EXO1: variants seen among roughly 807,000 people sequenced by gnomAD.
EXO1 encodes exonuclease 1.
A neutral mutation model predicts 84.5 loss-of-function variants in EXO1; 69 were observed. The observed-to-expected ratio is 0.82, with a 90% CI of 0.67 to 1.00. EXO1 has a LOEUF of 1.00. Among genes scored for constraint, EXO1 ranks in the 50% least tolerant of loss-of-function variants. EXO1 has a pLI of 0.00. For missense variants in EXO1, 1,045 were observed against 1,000.7 expected (o/e 1.04, Z -0.60); for synonymous variants, 373 against 366.1 (o/e 1.02, Z -0.21).
At chr1:241,864,541 T>C (rs759993348) in intron 10 of EXO1, among the ~76,000 whole-genome samples, 15 of 152,238 alleles carry the variant, frequency 9.9e-5, no homozygotes, top group Non-Finnish European at 2.1e-4. Flanking sequence ...AGGTTGGAGA[T>C]GGGGACACAG....
intron 11 of EXO1, among the ~76,000 whole-genome samples, chr1:241,870,715 G>A (rs1662035046): frequency 6.6e-6 from 1 of 152,094 alleles, no homozygotes; most frequent in South Asian, 2.1e-4. Context: ...TTAGTTCATT[G>A]TTCTGCCTGT....
intron 6 of EXO1, among the ~76,000 whole-genome samples, chr1:241,855,615 G>T (rs948305521): frequency 2.6e-5 from 4 of 152,218 alleles, no homozygotes; most frequent in African/African-American, 9.6e-5. Flanking sequence ...ATGAGACTGG[G>T]CGCCGTGGAG....
rs1660715111 is a variant in EXO1 at position 241,852,288 on chromosome 1, A to G, written c.162-4A>G. The G allele has an allele frequency of 6.2e-7, 1 of 1,601,540 alleles. No individual in the cohort carries two copies. Among genetic ancestry groups the G allele is most frequent in the Non-Finnish European group, 8.5e-7 (1 of 1,170,448 alleles). ...GCACTGAATGTTTTTCTTTTTTTCC[A>G]TAGGTATGTAGGATTTTGTATGAAA... On this transcript the variant is annotated splice_region_variant and splice_polypyrimidine_tract_variant and intron_variant, in intron 4 of 15. Transcript: ENST00000366548.
chr1:241,886,637 A>T (rs1179090637), intron 15 of EXO1, among the ~76,000 whole-genome samples: 3 of 152,216 alleles, frequency 2.0e-5, no homozygotes, highest in Non-Finnish European at 2.9e-5. Context: ...TTATACTCTT[A>T]GAAATTATTA....
intron 5 of EXO1, 70 bp downstream of exon 5, chr1:241,852,481 C>T: frequency 7.0e-7 from 1 of 1,438,524 alleles, no homozygotes; most frequent in Non-Finnish European, 9.7e-7. Context: ...TATATGATAC[C>T]AATTTTTAAA....
At chr1:241,884,869 A>C (rs2148536157) in intron 14 of EXO1, among the ~76,000 whole-genome samples, 1 of 152,356 alleles carries the variant, frequency 6.6e-6, no homozygotes, top group Middle Eastern at 3.4e-3. Flanking sequence ...TTTTATAAAT[A>C]GCACATTTTT....
chr1:241,888,382 C>T (rs1365141781), intron 15 of EXO1, among the ~76,000 whole-genome samples: 2 of 146,656 alleles, frequency 1.4e-5, no homozygotes, highest in African/African-American at 2.5e-5. Flanking sequence ...ACAAATAGTC[C>T]TGGTATGACT....
At chr1:241,854,356 C>T (rs1776158) in intron 6 of EXO1, among the ~76,000 whole-genome samples, 68,727 of 151,930 alleles carry the variant, frequency 0.45, 15,779 homozygotes, top group East Asian at 0.7. Flanking sequence ...ACGCTGGGCT[C>T]GAACTCCCAA....
At chr1:241,871,059 A>G (rs374836269) in intron 11 of EXO1, among the ~76,000 whole-genome samples, 317 of 152,058 alleles carry the variant, frequency 2.1e-3, no homozygotes, top group African/African-American at 7.4e-3. Context: ...TCCCCAAATA[A>G]CTATGCTAAT....
intron 12 of EXO1, among the ~76,000 whole-genome samples, chr1:241,878,129 A>G (rs1662504106): frequency 3.3e-5 from 5 of 152,208 alleles, no homozygotes; most frequent in Admixed American, 3.3e-4. Flanking sequence ...TAGGGAAAGA[A>G]CACCTATATG....
chr1:241,879,360 A>C lies in EXO1; in HGVS notation c.2109+17A>C. The C allele has an allele frequency of 6.7e-7, 1 of 1,484,104 alleles. No individual in the cohort carries two copies. The highest frequency in any genetic ancestry group is 9.4e-7 in the Non-Finnish European group (1 of 1,067,390). 91.9% of individuals were successfully genotyped at this position (1,484,104 alleles called of 1,614,324 possible). On this transcript the variant is annotated intron_variant, in intron 13 of 15. Transcript: ENST00000366548. ...GATTCAGAGGTAAGTCAAATCCTGA[A>C]GGCTTTGTTTTCAAATTTATATGTA... is the stretch of plus-strand genomic sequence containing the variant.
chr1:241,850,201 A>G (rs1470036530), intron 3 of EXO1, among the ~76,000 whole-genome samples: 5 of 152,080 alleles, frequency 3.3e-5, no homozygotes, highest in African/African-American at 1.2e-4. Context: ...GAATGGCGTG[A>G]ACCCGGGAGG....
In EXO1 at chr1:241,857,487, T is replaced by A; in HGVS notation, c.543+5T>A. On this transcript the variant is annotated splice_donor_5th_base_variant and intron_variant, in intron 7 of 15. Transcript: ENST00000366548. ...CTAGCTTTTGGCTGTAAAAAGGTAC[T>A]CACCTCTGACTACTATATATTACTT... 6.2e-7 allele frequency: 1 copy of A among 1,612,344 alleles called. No individual in the cohort carries two copies. The highest frequency in any genetic ancestry group is 8.5e-7 in the Non-Finnish European group (1 of 1,178,884).
Position 241,889,556 on chromosome 1 carries a change from AAC to A in EXO1, c.2499_2500del (p.Asn833LysfsTer3). ...TCCAGAAGCGGAAGAGGATATATTT[AAC>A]AAACCTGAATGTGGCCGTGTTCAAA... is the stretch of plus-strand genomic sequence containing the variant. Reference protein sequence around the residue: ...LTPEAEEDIFNKPECGRVQRA... With the variant: ...LTPEAEEDIFXKPECGRVQRA... On this transcript the variant is annotated frameshift_variant, in exon 16 of 16. Transcript: ENST00000366548. LOFTEE classifies it high-confidence loss of function. 1 of 1,614,048 alleles carries A rather than the reference AAC, an allele frequency of 6.2e-7. No individual in the cohort carries two copies. Among genetic ancestry groups the A allele is most frequent in the African/African-American group, 1.3e-5 (1 of 75,044 alleles).
chr1:241,888,604 A>G (rs2148554873), intron 15 of EXO1, among the ~76,000 whole-genome samples: 1 of 152,376 alleles, frequency 6.6e-6, no homozygotes, highest in East Asian at 1.9e-4. Context: ...GTTGCTAGAC[A>G]GAAATTAAGG....
intron 14 of EXO1, 119 bp from the exon 15 acceptor site, chr1:241,885,195 A>T: frequency 2.4e-6 from 1 of 417,090 alleles, no homozygotes; most frequent in Non-Finnish European, 3.9e-6. Flanking sequence ...CGACAGAGTG[A>T]GAGTCCATCT....
chr1:241,860,715 T>G lies in EXO1; in HGVS notation c.944+11T>G. ...AAGCTACGCTGGGCAGTATCCTTTC[T>G]GAAACAGAATGGTAGAATTTGTGCA... On this transcript the variant is annotated intron_variant, in intron 9 of 15. Transcript: ENST00000366548. 6.2e-7 allele frequency: 1 copy of G among 1,600,072 alleles called. No homozygotes were observed. The highest frequency in any genetic ancestry group is 8.6e-7 in the Non-Finnish European group (1 of 1,167,136).
At chr1:241,860,448 A>C in intron 8 of EXO1, 69 bp from the exon 9 acceptor site, 4 of 1,222,948 alleles carry the variant, frequency 3.3e-6, no homozygotes, top group Non-Finnish European at 4.9e-6. Context: ...ATGTAAATCA[A>C]TCAGCCTTGA....
chr1:241,865,835 T>TTA (rs1661681760), intron 10 of EXO1, among the ~76,000 whole-genome samples: 1 of 152,238 alleles, frequency 6.6e-6, no homozygotes. Flanking sequence ...AGCTATCTTT[T>TTA]TATATTCGTT....
Sources: gnomAD v4.1 joint callset for allele counts (sites outside exome capture counted in the v4.1 genomes callset) on GRCh38, gnomAD v4.1.1 for gene constraint, MANE v1.5 for transcripts, NCBI Gene and HGNC (gene_info 2026-07-23, HGNC 2026-07-21) for gene names.